FRMD4A: variants seen among roughly 807,000 people sequenced by gnomAD.
The protein encoded by FRMD4A is FERM domain-containing protein 4A.
FRMD4A carries 29 observed loss-of-function variants against 129.1 expected under a neutral mutation model. The ratio of observed to expected loss-of-function variants is 0.22; its 90% CI spans 0.17 to 0.31. FRMD4A has a LOEUF of 0.31. Ranked by LOEUF, FRMD4A falls within the 10% of genes least tolerant of loss-of-function variation. The pLI is 1.00. For synonymous variants in FRMD4A, 634 were observed against 571.6 expected (o/e 1.11, Z -1.56); for missense variants, 1,272 against 1,375.8 (o/e 0.92, Z 1.19).
chr10:13,995,150 C>T (rs558202565), intron 2 of FRMD4A, among the ~76,000 whole-genome samples: 82 of 152,272 alleles, frequency 5.4e-4, no homozygotes, highest in Non-Finnish European at 9.8e-4. Flanking sequence ...CTTATGCCAC[C>T]TTAAGGCCAT....
At chr10:13,798,474 T>C (rs1032241903) in intron 4 of FRMD4A, among the ~76,000 whole-genome samples, 3 of 152,026 alleles carry the variant, frequency 2.0e-5, no homozygotes, top group African/African-American at 4.8e-5. Flanking sequence ...CCCCACACTT[T>C]GGGAGGCCAA....
chr10:14,183,009 T>G (rs1841962742), intron 2 of FRMD4A, among the ~76,000 whole-genome samples: 1 of 152,020 alleles, frequency 6.6e-6, no homozygotes. Context: ...GTAAGCAGGA[T>G]GGGGTGGAGA....
chr10:14,034,655 A>G lies in FRMD4A; in HGVS notation c.46-175743T>C, dbSNP rs1222119004. ...TACCTGCACTTTACAACCCTAATCA[A>G]TAAATAACCTGAGCTCCTTGTTCAG... On this transcript the variant is annotated intron_variant, in intron 2 of 24. Transcript: ENST00000357447. Among the ~76,000 whole-genome samples, 8 of 152,150 alleles carry G rather than the reference A, an allele frequency of 5.3e-5. No individual in the cohort carries two copies. The South Asian group carries it at 1.7e-3, about 32-fold the overall frequency.
chr10:14,068,568 C>A (rs538115625), intron 2 of FRMD4A, among the ~76,000 whole-genome samples: 2 of 152,236 alleles, frequency 1.3e-5, no homozygotes, highest in East Asian at 3.9e-4. Flanking sequence ...GCCTTGGTAT[C>A]TGAAAAAGGT....
chr10:14,029,420 G>A (rs17154470), intron 2 of FRMD4A, among the ~76,000 whole-genome samples: 6,488 of 151,980 alleles, frequency 0.043, 203 homozygotes, highest in Non-Finnish European at 0.066. Context: ...TGAGTGCTCC[G>A]CAAAAGTGAG....
Position 13,744,996 on chromosome 10 carries a change from A to T in FRMD4A, c.548+2740T>A, listed in dbSNP as rs1003889843. Among the ~76,000 whole-genome samples, 6 of 152,360 alleles carry T rather than the reference A, an allele frequency of 3.9e-5. No homozygotes were observed. In the East Asian group the frequency reaches 1.2e-3, roughly 29 times the overall value. ...TAGAAGGAATATGTTCTAGCATTTG[A>T]TAGAACAGTAGGGAAATTATAGTTA... is the stretch of plus-strand genomic sequence containing the variant. On this transcript the variant is annotated intron_variant, in intron 9 of 24. Transcript: ENST00000357447.
intron 2 of FRMD4A, among the ~76,000 whole-genome samples, chr10:14,136,202 A>T (rs956956004): frequency 1.3e-5 from 2 of 152,164 alleles, no homozygotes; most frequent in African/African-American, 4.8e-5. Flanking sequence ...GGGACCCCAT[A>T]ATCAATAAGC....
intron 2 of FRMD4A, among the ~76,000 whole-genome samples, chr10:14,128,094 TTC>T (rs1491035618): frequency 1.0e-5 from 1 of 97,040 alleles, no homozygotes; most frequent in Non-Finnish European, 2.1e-5. Flanking sequence ...CTTTCTTTCT[TTC>T]TTTCTTTCTT....
chr10:14,065,542 C>G (rs1343222046), intron 2 of FRMD4A, among the ~76,000 whole-genome samples: 1 of 152,120 alleles, frequency 6.6e-6, no homozygotes, highest in Non-Finnish European at 1.5e-5. Context: ...GTGGTGGTCA[C>G]AGGGCAGCCT....
intron 2 of FRMD4A, among the ~76,000 whole-genome samples, chr10:14,091,526 C>T (rs992846791): frequency 3.9e-5 from 6 of 151,968 alleles, no homozygotes; most frequent in African/African-American, 1.2e-4. Flanking sequence ...CTCCGCCTCC[C>T]GGGTTTAAGC....
intron 2 of FRMD4A, among the ~76,000 whole-genome samples, chr10:13,986,048 G>A (rs2095579961): frequency 6.6e-6 from 1 of 152,136 alleles, no homozygotes; most frequent in African/African-American, 2.4e-5. Context: ...GGGGCTGCTT[G>A]GATTCTGCAC....
chr10:14,048,666 C>A (rs1186907970), intron 2 of FRMD4A, among the ~76,000 whole-genome samples: 1 of 151,916 alleles, frequency 6.6e-6, no homozygotes, highest in African/African-American at 2.4e-5. Context: ...ATTAGCCAGG[C>A]GTGGTGTCAG....
intron 2 of FRMD4A, among the ~76,000 whole-genome samples, chr10:14,022,279 C>A (rs1329612484): frequency 6.6e-6 from 1 of 152,118 alleles, no homozygotes; most frequent in Non-Finnish European, 1.5e-5. Context: ...GATGTATGAA[C>A]TTCAGACAGG....
rs754697615 is a variant in FRMD4A, at chr10:13,656,952, G to A, written c.2637C>T (p.Phe879=). Residue 879 remains phenylalanine, a synonymous_variant, in exon 22 of 25, where the codon TTC becomes TTT. Coordinates refer to ENST00000357447, the MANE Select transcript of FRMD4A (RefSeq NM_018027.5). ...TSNSYTAGGL[F]KESWRGGGGD... ...CGCCGCCGCCGCGCCAGCTCTCCTTGAACAGGCCGCCCGCCGTGTAGGAGT... is the reference window on the plus strand; with the variant it reads ...CGCCGCCGCCGCGCCAGCTCTCCTTAAACAGGCCGCCCGCCGTGTAGGAGT... The A allele has an allele frequency of 1.3e-6, 2 of 1,533,850 alleles. No individual in the cohort carries two copies. Among genetic ancestry groups the A allele is most frequent in the African/African-American group, 1.4e-5 (1 of 70,128 alleles).
At chr10:14,095,989 G>T (rs1836937254) in intron 2 of FRMD4A, among the ~76,000 whole-genome samples, 1 of 152,238 alleles carries the variant, frequency 6.6e-6, no homozygotes, top group Non-Finnish European at 1.5e-5. Context: ...TATGTGCCCA[G>T]TTGTGAGAGG....
chr10:14,158,708 G>C (rs1482327913), intron 2 of FRMD4A, among the ~76,000 whole-genome samples: 1 of 150,936 alleles, frequency 6.6e-6, no homozygotes, highest in Non-Finnish European at 1.5e-5. Context: ...AGAGGAAGAG[G>C]AGTAGGAGGA....
chr10:13,936,703 T>C (rs565392087), intron 2 of FRMD4A, among the ~76,000 whole-genome samples: 60 of 152,282 alleles, frequency 3.9e-4, no homozygotes, highest in African/African-American at 1.4e-3. Flanking sequence ...TTCTGTTGTT[T>C]ATGAGGCATC....
chr10:14,041,193 A>G (rs1833766029), intron 2 of FRMD4A, among the ~76,000 whole-genome samples: 1 of 152,210 alleles, frequency 6.6e-6, no homozygotes, highest in Admixed American at 6.5e-5. Context: ...GGACAATCAG[A>G]GCACATGTCA....
At chr10:13,907,734 G>A (rs191441711) in intron 2 of FRMD4A, among the ~76,000 whole-genome samples, 42 of 152,198 alleles carry the variant, frequency 2.8e-4, no homozygotes, top group African/African-American at 9.6e-4. Context: ...GCTGTCACCT[G>A]CCAGGATCAG....
Sources: allele counts gnomAD v4.1 joint callset (sites outside exome capture counted in the v4.1 genomes callset), GRCh38; gene constraint gnomAD v4.1.1; transcripts MANE v1.5; gene names NCBI Gene and HGNC (gene_info 2026-07-23, HGNC 2026-07-21).